Variants in ADD3 observed in about 807,000 individuals in gnomAD.
ADD3 encodes gamma-adducin.
A neutral mutation model predicts 80.2 loss-of-function variants in ADD3; 25 were observed. The observed-to-expected ratio is 0.31, with a 90% CI of 0.23 to 0.44. The LOEUF (loss-of-function observed/expected upper bound fraction) is 0.44, where lower values mean the gene tolerates loss of function less well. Ranked by LOEUF, ADD3 falls within the 20% of genes least tolerant of loss-of-function variation. The pLI is 1.00. For missense variants in ADD3, 829 were observed against 847.5 expected, an observed-to-expected ratio of 0.98 and a Z score of 0.27; for synonymous variants, 284 against 289.6, an observed-to-expected ratio of 0.98 and a Z score of 0.20.
intron 2 of ADD3, among the ~76,000 whole-genome samples, chr10:110,108,240 A>T (rs765808457): frequency 1.1e-4 from 17 of 152,094 alleles, no homozygotes; most frequent in African/African-American, 2.4e-4. Flanking sequence ...ATATATATAT[A>T]TTTTTGCTTT....
At chr10:110,018,526 C>CAAAAAA (rs59949041) in intron 1 of ADD3, among the ~76,000 whole-genome samples, 1 of 49,542 alleles carries the variant, frequency 2.0e-5, no homozygotes, top group Non-Finnish European at 4.7e-5. Flanking sequence ...GACTTTGTCT[C>CAAAAAA]AAAAAAAAAA....
At chr10:110,071,480 T>C (rs762713461) in intron 1 of ADD3, among the ~76,000 whole-genome samples, 4 of 152,256 alleles carry the variant, frequency 2.6e-5, no homozygotes, top group African/African-American at 7.2e-5. Flanking sequence ...GAATATTTCG[T>C]ATATTGTGGC....
intron 1 of ADD3, among the ~76,000 whole-genome samples, chr10:110,027,489 C>T (rs753839284): frequency 3.3e-5 from 5 of 152,102 alleles, no homozygotes. Flanking sequence ...TTTGATTTAA[C>T]CTAATATATT....
chr10:110,036,403 C>T (rs1419134337), intron 1 of ADD3, among the ~76,000 whole-genome samples: 2 of 119,886 alleles, frequency 1.7e-5, no homozygotes, highest in African/African-American at 6.9e-5. Context: ...TTTCTTGAGA[C>T]GAGTCTTGCT....
chr10:109,998,594 G>A (rs2133665614), intron 1 of ADD3, among the ~76,000 whole-genome samples: 1 of 152,232 alleles, frequency 6.6e-6, no homozygotes, highest in Admixed American at 6.5e-5. Context: ...TCCTCACCAT[G>A]ATCTGCCAGA....
chr10:110,024,684 CAA>C (rs1425554706), intron 1 of ADD3, among the ~76,000 whole-genome samples: 2 of 152,064 alleles, frequency 1.3e-5, no homozygotes, highest in Non-Finnish European at 2.9e-5. Context: ...ATAACTTACT[CAA>C]AAGTAATTCT....
At chr10:110,026,555 C>T (rs1854333740) in intron 1 of ADD3, among the ~76,000 whole-genome samples, 2 of 152,280 alleles carry the variant, frequency 1.3e-5, no homozygotes, top group African/African-American at 4.8e-5. Context: ...GCTGGGATTA[C>T]AGACGTGAGC....
chr10:110,114,595 A>G (rs966005049), intron 3 of ADD3, among the ~76,000 whole-genome samples: 1 of 152,174 alleles, frequency 6.6e-6, no homozygotes, highest in Non-Finnish European at 1.5e-5. Context: ...CAAATTATAT[A>G]TGGTTACCCA....
At chr10:110,036,167 A>G (rs567979145) in intron 1 of ADD3, among the ~76,000 whole-genome samples, 28 of 151,910 alleles carry the variant, frequency 1.8e-4, no homozygotes, top group African/African-American at 6.8e-4. Context: ...ACAAACAAAA[A>G]ACCTGTCATC....
At position 110,118,683 on chromosome 10, in the gene ADD3, A is replaced by T. The variant is rs771954709; in HGVS notation, c.664A>T (p.Thr222Ser). The T allele has an allele frequency of 6.2e-7, 1 of 1,614,134 alleles. No individual in the cohort carries two copies. The highest frequency in any genetic ancestry group is 8.5e-7 in the Non-Finnish European group (1 of 1,179,998). The change falls in exon 6 of 15, where the codon ACA becomes TCA. Residue 222 changes from threonine to serine, a missense_variant. By Grantham distance (58) the Thr-to-Ser change is moderately conservative (BLOSUM62 1). Transcript: ENST00000356080. Reference protein sequence around the residue: ...GFSPHAAIYSTRPDVKCVIHI... With the variant: ...GFSPHAAIYSSRPDVKCVIHI... ...CAGTCCCCATGCTGCAATCTATTCA[A>T]CACGTCCTGATGTTAAGTGTGTGAT...
intron 4 of ADD3, 101 bp downstream of exon 4, chr10:110,116,511 C>T: frequency 1.6e-6 from 2 of 1,222,038 alleles, no homozygotes; most frequent in Non-Finnish European, 2.3e-6. Flanking sequence ...CAGACTTATT[C>T]TCTAAACCTA....
chr10:110,118,544 A>T (rs778019489), intron 5 of ADD3, 43 bp from the exon 6 acceptor site: 6 of 1,550,370 alleles, frequency 3.9e-6, no homozygotes, highest in South Asian at 1.1e-5. Context: ...ACAAACTTTG[A>T]TACGTATATA....
chr10:110,014,582 A>G lies in ADD3; in HGVS notation c.-30+6283A>G, dbSNP rs935617367. ...CTCTTGTTGCCCAGGCTGGAGTGCA[A>G]TGGCGCAATTCTCAGCTCACCGCAA... On this transcript the variant is annotated intron_variant, in intron 1 of 14. Transcript: ENST00000356080. 6.7e-4 allele frequency among the ~76,000 whole-genome samples: 99 copies of G among 148,656 alleles called. 1 individual carries two copies. The highest frequency in any genetic ancestry group is 2.2e-3 in the African/African-American group (90 of 40,178).
intron 1 of ADD3, among the ~76,000 whole-genome samples, chr10:110,054,505 G>A (rs1402468553): frequency 4.8e-5 from 7 of 146,194 alleles, no homozygotes; most frequent in Admixed American, 2.1e-4. Context: ...GCAATGGCGC[G>A]ATCTCGGCTC....
intron 4 of ADD3, 30 bp from the exon 5 acceptor site, chr10:110,117,312 A>G: frequency 8.2e-7 from 1 of 1,215,698 alleles, no homozygotes. Flanking sequence ...GAACCACTTC[A>G]TAGTAATTCC....
At chr10:110,009,048 C>T (rs753791820) in intron 1 of ADD3, among the ~76,000 whole-genome samples, 1 of 152,150 alleles carries the variant, frequency 6.6e-6, no homozygotes, top group Non-Finnish European at 1.5e-5. Context: ...TTTAAAATGG[C>T]AAGAACGGCT....
At position 110,133,899 on chromosome 10, in the gene ADD3, T is replaced by G. The variant is rs1853392118; in HGVS notation, c.*281T>G. ...CACCATAAACAGCTATCTGTCTGAATTACTTCAGGCCTTCTCCATAATATC... is the reference window on the plus strand; with the variant it reads ...CACCATAAACAGCTATCTGTCTGAAGTACTTCAGGCCTTCTCCATAATATC... On this transcript the variant is annotated 3_prime_UTR_variant, in exon 15 of 15. Coordinates refer to ENST00000356080, the MANE Select transcript of ADD3 (RefSeq NM_016824.5). The G allele has an allele frequency of 8.9e-6, 2 of 223,862 alleles. No individual in the cohort carries two copies. Among genetic ancestry groups the G allele is most frequent in the Admixed American group, 5.6e-5 (1 of 17,882 alleles). 13.9% of individuals were successfully genotyped at this position (223,862 alleles called of 1,614,324 possible). A position where few individuals can be genotyped will look rare whatever the true frequency, so the allele number is the denominator to read the frequency against.
intron 1 of ADD3, among the ~76,000 whole-genome samples, chr10:110,019,118 AAT>A (rs1356629676): frequency 7.9e-5 from 12 of 152,158 alleles, no homozygotes; most frequent in African/African-American, 2.9e-4. Flanking sequence ...ATATTCTGTC[AAT>A]GTCTGTTATA....
At chr10:110,034,535 C>T (rs1855422146) in intron 1 of ADD3, among the ~76,000 whole-genome samples, 1 of 151,732 alleles carries the variant, frequency 6.6e-6, no homozygotes, top group Non-Finnish European at 1.5e-5. Context: ...GTCTGTAATT[C>T]TCATTTGAGC....
Sources: gnomAD v4.1 joint callset for allele counts (sites outside exome capture counted in the v4.1 genomes callset) on GRCh38, gnomAD v4.1.1 for gene constraint, MANE v1.5 for transcripts, NCBI Gene and HGNC (gene_info 2026-07-23, HGNC 2026-07-21) for gene names.